The following UVRAG variants were observed in gnomAD, a reference collection of about 807,000 sequenced individuals.
The protein encoded by UVRAG is UV radiation resistance-associated gene protein.
In UVRAG, 19 loss-of-function variants were observed where a neutral mutation model predicts 78.0. That is an observed-to-expected ratio of 0.24 (90% CI 0.17 to 0.36). The LOEUF (loss-of-function observed/expected upper bound fraction) is 0.36, where lower values mean the gene tolerates loss of function less well. UVRAG is among the 10% of genes least tolerant of loss of function. The pLI is 1.00. For synonymous variants in UVRAG, 323 were observed against 324.6 expected (o/e 1.00, Z 0.05); for missense variants, 740 against 853.8 (o/e 0.87, Z 1.66).
intron 13 of UVRAG, among the ~76,000 whole-genome samples, chr11:76,103,349 A>G (rs1397258997): frequency 6.6e-6 from 1 of 152,164 alleles, no homozygotes; most frequent in African/African-American, 2.4e-5. Context: ...ATGAGGAGGT[A>G]ACCTCCTTCA....
intron 5 of UVRAG, among the ~76,000 whole-genome samples, chr11:75,903,082 C>T (rs1334048024): frequency 6.6e-6 from 1 of 152,024 alleles, no homozygotes; most frequent in African/African-American, 2.4e-5. Context: ...TCCTTCTCCT[C>T]CTCCTCCCCA....
At chr11:75,887,524 T>C (rs1947108854) in intron 4 of UVRAG, among the ~76,000 whole-genome samples, 1 of 149,362 alleles carries the variant, frequency 6.7e-6, no homozygotes, top group Admixed American at 6.7e-5. Flanking sequence ...CTCGGCTCTC[T>C]GCAAGCTCTG....
At chr11:75,915,290 A>G (rs1274476955) in intron 6 of UVRAG, 1 of 152,192 alleles carries the variant, frequency 6.6e-6, no homozygotes, top group East Asian at 1.9e-4. Flanking sequence ...GATGGGTTGT[A>G]TTGTTTTATA....
chr11:76,011,361 C>A (rs117549665), intron 11 of UVRAG, among the ~76,000 whole-genome samples: 2,330 of 152,290 alleles, frequency 0.015, 29 homozygotes, highest in Non-Finnish European at 0.022. Flanking sequence ...CGGTGGCTCA[C>A]GCCTGTAATT....
At chr11:75,930,952 T>TTTCTTTCG (rs1948225052) in intron 6 of UVRAG, 2 of 150,126 alleles carry the variant, frequency 1.3e-5, no homozygotes, top group Non-Finnish European at 3.0e-5. Flanking sequence ...TCTTTCTTTC[T>TTTCTTTCG]TTCTTTCTTT....
chr11:75,949,078 G>A (rs1948636126), intron 6 of UVRAG, among the ~76,000 whole-genome samples: 2 of 152,148 alleles, frequency 1.3e-5, no homozygotes, highest in Admixed American at 1.3e-4. Flanking sequence ...GGGGCTATTG[G>A]CTAGGTGGCA....
intron 12 of UVRAG, among the ~76,000 whole-genome samples, chr11:76,031,150 T>TG (rs1950431332): frequency 6.6e-6 from 1 of 152,164 alleles, no homozygotes; most frequent in African/African-American, 2.4e-5. Context: ...GCCAGGACAA[T>TG]CATTATTTCA....
At chr11:75,952,295 G>T (rs115224754) in intron 6 of UVRAG, among the ~76,000 whole-genome samples, 2,695 of 152,080 alleles carry the variant, frequency 0.018, 72 homozygotes, top group African/African-American at 0.061. Context: ...TATTACAATG[G>T]TTTGGACCTT....
intron 7 of UVRAG, among the ~76,000 whole-genome samples, chr11:75,973,389 A>C (rs1399615690): frequency 6.6e-6 from 1 of 152,184 alleles, no homozygotes; most frequent in East Asian, 1.9e-4. Flanking sequence ...ACCCGGGATA[A>C]ATTACATGTT....
At chr11:75,872,963 C>T (rs1200014555) in intron 3 of UVRAG, among the ~76,000 whole-genome samples, 1 of 152,066 alleles carries the variant, frequency 6.6e-6, no homozygotes, top group Non-Finnish European at 1.5e-5. Context: ...GAAATCCCTG[C>T]CTTTGAGGAG....
At chr11:76,081,938 CAAA>C (rs775703377) in intron 13 of UVRAG, among the ~76,000 whole-genome samples, 2 of 69,666 alleles carry the variant, frequency 2.9e-5, no homozygotes, top group Non-Finnish European at 7.2e-5. Flanking sequence ...AGAACCAAAG[CAAA>C]AAAAAAAAAA....
chr11:75,951,324 A>AAT (rs1441577018), intron 6 of UVRAG, among the ~76,000 whole-genome samples: 1 of 76,520 alleles, frequency 1.3e-5, no homozygotes, highest in East Asian at 3.0e-4. Flanking sequence ...TATAATCTGA[A>AAT]ATGTGTGTGT....
chr11:76,040,266 G>T (rs1004201886), intron 12 of UVRAG, among the ~76,000 whole-genome samples: 1 of 151,870 alleles, frequency 6.6e-6, no homozygotes, highest in Non-Finnish European at 1.5e-5. Flanking sequence ...GAGGTCAGGA[G>T]ATCGAGACCA....
intron 14 of UVRAG, among the ~76,000 whole-genome samples, chr11:76,132,164 A>G (rs1952523634): frequency 6.6e-6 from 1 of 152,254 alleles, no homozygotes. Context: ...ATATTGGCGC[A>G]GACTAGTACC....
chr11:75,835,441 T>C (rs1201365551), intron 1 of UVRAG: 3 of 152,160 alleles, frequency 2.0e-5, no homozygotes, highest in Non-Finnish European at 4.4e-5. Flanking sequence ...GAGCTTCAGC[T>C]CAACTCTAGG....
chr11:75,850,721 C>A (rs1946138368), intron 1 of UVRAG, among the ~76,000 whole-genome samples: 1 of 152,188 alleles, frequency 6.6e-6, no homozygotes, highest in East Asian at 1.9e-4. Context: ...AAAATTGTTG[C>A]TGTAATCCAG....
intron 6 of UVRAG, among the ~76,000 whole-genome samples, chr11:75,926,009 C>T (rs1476653827): frequency 2.0e-5 from 3 of 151,756 alleles, no homozygotes; most frequent in Admixed American, 1.3e-4. Flanking sequence ...TTGAGACTTC[C>T]TTATAGCACC....
chr11:75,895,769 A>G (rs1031698935), intron 5 of UVRAG, among the ~76,000 whole-genome samples: 1 of 152,142 alleles, frequency 6.6e-6, no homozygotes. Flanking sequence ...GAGCCACCAC[A>G]CCTGGCCAGA....
chr11:76,110,919 C>T (rs1952057060), intron 13 of UVRAG, among the ~76,000 whole-genome samples: 4 of 152,134 alleles, frequency 2.6e-5, no homozygotes, highest in Admixed American at 2.0e-4. Flanking sequence ...AGTGCAGTGG[C>T]ACAATCTCGG....
Sources: allele counts gnomAD v4.1 joint callset (sites outside exome capture counted in the v4.1 genomes callset), GRCh38; gene constraint gnomAD v4.1.1; transcripts MANE v1.5; gene names NCBI Gene and HGNC (gene_info 2026-07-23, HGNC 2026-07-21).